Variants in VPS39 observed in about 807,000 individuals in gnomAD.
The protein encoded by VPS39 is VPS39 subunit of HOPS complex, also known as vam6/Vps39-like protein.
In VPS39, 70 loss-of-function variants were observed where a neutral mutation model predicts 121.0. The ratio of observed to expected loss-of-function variants is 0.58; its 90% CI spans 0.48 to 0.71. The LOEUF (loss-of-function observed/expected upper bound fraction) is 0.71, where lower values mean the gene tolerates loss of function less well. Ranked by LOEUF, VPS39 falls within the 30% of genes least tolerant of loss-of-function variation. VPS39 has a pLI of 0.00. For synonymous variants in VPS39, 378 were observed against 398.1 expected, an observed-to-expected ratio of 0.95 and a Z score of 0.60; for missense variants, 818 against 1,051.5, an observed-to-expected ratio of 0.78 and a Z score of 3.07.
intron 2 of VPS39, among the ~76,000 whole-genome samples, chr15:42,192,550 A>C (rs1255748516): frequency 6.6e-6 from 1 of 152,110 alleles, no homozygotes; most frequent in Non-Finnish European, 1.5e-5. Context: ...GAAATCAGGG[A>C]GACTCTTTGG....
rs538474223 is a variant in VPS39, at chr15:42,170,486, G to C, written c.1091-620C>G. Among the ~76,000 whole-genome samples, 161 of 152,280 alleles carry C rather than the reference G, an allele frequency of 1.1e-3. 1 individual carries two copies. The highest frequency in any genetic ancestry group is 3.7e-3 in the African/African-American group (155 of 41,554). ...CCACTGTACTCCAGCATGGGCAAGA[G>C]TGGAGACCCTGTCTCAAAAAAATTT... On this transcript the variant is annotated intron_variant, in intron 11 of 24. Transcript: ENST00000318006.
intron 12 of VPS39, 63 bp downstream of exon 12, chr15:42,169,661 C>T: frequency 6.6e-7 from 1 of 1,507,394 alleles, no homozygotes; most frequent in East Asian, 2.4e-5. Flanking sequence ...AATTCCTTGC[C>T]ACAAAGAAAC....
At chr15:42,185,435 G>A (rs899105948) in intron 7 of VPS39, among the ~76,000 whole-genome samples, 10 of 151,920 alleles carry the variant, frequency 6.6e-5, no homozygotes, top group Non-Finnish European at 1.2e-4. Flanking sequence ...CACCCGCCAC[G>A]GCCTCCCAAA....
chr15:42,168,660 C>T (rs1249432895), intron 12 of VPS39, among the ~76,000 whole-genome samples: 3 of 151,986 alleles, frequency 2.0e-5, no homozygotes, highest in South Asian at 2.1e-4. Context: ...TCTCCTGCCT[C>T]AGCCTCCTGA....
chr15:42,191,055 CA>C, intron 4 of VPS39, 69 bp downstream of exon 4: 14 of 1,550,926 alleles, frequency 9.0e-6, no homozygotes, highest in Non-Finnish European at 1.2e-5. Flanking sequence ...TCAAATTAAC[CA>C]TGAAAGGATT....
chr15:42,195,702 A>C (rs954116637), intron 2 of VPS39, among the ~76,000 whole-genome samples: 5 of 152,226 alleles, frequency 3.3e-5, no homozygotes, highest in Admixed American at 6.5e-5. Flanking sequence ...ACATTCCATG[A>C]TCATGGATAG....
chr15:42,165,715 T>C lies in VPS39; in HGVS notation c.1779+3A>G. 6.2e-7 allele frequency: 1 copy of C among 1,613,678 alleles called. No individual in the cohort carries two copies. Among genetic ancestry groups the C allele is most frequent in the Non-Finnish European group, 8.5e-7 (1 of 1,179,618 alleles). On this transcript the variant is annotated splice_donor_region_variant and intron_variant, in intron 17 of 24. Transcript: ENST00000318006. ...TTTTAGTGCAGACCAAAAAATACCT[T>C]ACCAGATAAGGAATAGCCAGACCCT...
In VPS39 at chr15:42,165,722, T is replaced by A. The variant is rs1248286037; in HGVS notation, c.1775A>T (p.Tyr592Phe). Reference protein sequence around the residue: ...IENFKGLAIPYLEHIIHVWEE... With the variant: ...IENFKGLAIPFLEHIIHVWEE... ...GCAGACCAAAAAATACCTTACCAGA[T>A]AAGGAATAGCCAGACCCTTAAAATT... The change falls in exon 17 of 25, where the codon TAT becomes TTT. Residue 592 changes from tyrosine to phenylalanine, a missense_variant. Coordinates refer to ENST00000318006, the MANE Select transcript of VPS39 (RefSeq NM_015289.5). The A allele has an allele frequency of 1.2e-6, 2 of 1,613,926 alleles. No homozygotes were observed. The highest frequency in any genetic ancestry group is 2.2e-5 in the South Asian group (2 of 91,076).
intron 21 of VPS39, among the ~76,000 whole-genome samples, chr15:42,162,986 C>T: frequency 6.6e-6 from 1 of 152,176 alleles, no homozygotes; most frequent in Admixed American, 6.5e-5. Flanking sequence ...CACCCCTGTC[C>T]TCAGTCACAA....
chr15:42,175,418 A>T (rs1189212385), intron 10 of VPS39, among the ~76,000 whole-genome samples: 1 of 151,840 alleles, frequency 6.6e-6, no homozygotes, highest in Non-Finnish European at 1.5e-5. Context: ...GGAAAAAAAA[A>T]AAAAAAGAAA....
At chr15:42,177,370 T>C (rs149463171) in intron 10 of VPS39, among the ~76,000 whole-genome samples, 1 of 151,940 alleles carries the variant, frequency 6.6e-6, no homozygotes, top group Non-Finnish European at 1.5e-5. Flanking sequence ...GAACAAGAGG[T>C]GGTCACTATT....
intron 8 of VPS39, chr15:42,178,838 C>T (rs142668773): frequency 3.6e-4 from 133 of 372,116 alleles, no homozygotes; most frequent in Middle Eastern, 3.4e-3. Flanking sequence ...ACTGCCTCAA[C>T]AAAAACATTT....
chr15:42,204,465 C>T (rs748821489), intron 1 of VPS39, among the ~76,000 whole-genome samples: 1 of 152,164 alleles, frequency 6.6e-6, no homozygotes, highest in Non-Finnish European at 1.5e-5. Context: ...GCCTGGCCAA[C>T]ATGACGAAAC....
At chr15:42,207,990 G>T in intron 1 of VPS39, 91 bp downstream of exon 1, 3 of 1,398,710 alleles carry the variant, frequency 2.1e-6, no homozygotes, top group East Asian at 2.5e-5. Context: ...AAGCCCACAC[G>T]GATGGACGCC....
At chr15:42,166,696 G>A in intron 14 of VPS39, 47 bp from the exon 15 acceptor site, 2 of 1,614,008 alleles carry the variant, frequency 1.2e-6, no homozygotes, top group East Asian at 2.2e-5. Context: ...TTCCCCACGG[G>A]AGATTTCCAT....
At chr15:42,199,096 A>G (rs775777576) in intron 2 of VPS39, among the ~76,000 whole-genome samples, 6 of 152,086 alleles carry the variant, frequency 3.9e-5, no homozygotes, top group Non-Finnish European at 7.3e-5. Context: ...AGAGAAATAT[A>G]TATTATATTG....
At chr15:42,162,625 A>C (rs188765594) in intron 21 of VPS39, 144 bp from the exon 22 acceptor site, 1 of 1,003,320 alleles carries the variant, frequency 1.0e-6, no homozygotes, top group East Asian at 2.8e-5. Context: ...TCACCTTGTA[A>C]ATTGGTAAGG....
At chr15:42,177,989 A>G (rs1370163300) in intron 10 of VPS39, among the ~76,000 whole-genome samples, 1 of 152,258 alleles carries the variant, frequency 6.6e-6, no homozygotes, top group Non-Finnish European at 1.5e-5. Flanking sequence ...TCTACAAGGT[A>G]CTATTACTAG....
At chr15:42,166,957 G>A (rs746006805) in intron 13 of VPS39, 44 bp from the exon 14 acceptor site, 1 of 1,610,858 alleles carries the variant, frequency 6.2e-7, no homozygotes, top group Admixed American at 1.7e-5. Flanking sequence ...TTCCTGGGGA[G>A]CCCCACCCTT....
Sources: gnomAD v4.1 joint callset for allele counts (sites outside exome capture counted in the v4.1 genomes callset) on GRCh38, gnomAD v4.1.1 for gene constraint, MANE v1.5 for transcripts, NCBI Gene and HGNC (gene_info 2026-07-23, HGNC 2026-07-21) for gene names.